PEX2: variants seen among roughly 807,000 people sequenced by gnomAD.
PEX2 encodes peroxisomal biogenesis factor 2, also known as peroxisome biogenesis factor 2.
In PEX2, 19 loss-of-function variants were observed where a neutral mutation model predicts 25.2. The ratio of observed to expected loss-of-function variants is 0.75; its 90% CI spans 0.53 to 1.10. The LOEUF (loss-of-function observed/expected upper bound fraction) is 1.10, where lower values mean the gene tolerates loss of function less well. Ranked by LOEUF, PEX2 falls within the 50% of genes least tolerant of loss-of-function variation. PEX2 has a pLI of 0.00. For synonymous variants in PEX2, 141 were observed against 127.7 expected (o/e 1.10, Z -0.70); for missense variants, 347 against 350.6 (o/e 0.99, Z 0.08).
At chr8:76,988,613 GGC>G (rs1807071512) in intron 1 of PEX2, among the ~76,000 whole-genome samples, 1 of 152,168 alleles carries the variant, frequency 6.6e-6, no homozygotes, top group Admixed American at 6.6e-5. Context: ...GACTGCTGAA[GGC>G]TGGGGTGGTT....
upstream of PEX2, chr8:77,000,110 A>C (rs1044762392): frequency 5.3e-6 from 2 of 374,364 alleles, no homozygotes; most frequent in African/African-American, 4.3e-5. Flanking sequence ...AGGCTTCCGG[A>C]GCGACGCAGG....
chr8:76,991,137 G>A (rs945292820), intron 1 of PEX2, among the ~76,000 whole-genome samples: 2 of 152,142 alleles, frequency 1.3e-5, no homozygotes, highest in Non-Finnish European at 2.9e-5. Flanking sequence ...AGGTTCCTTA[G>A]TGATATTTAG....
intron 1 of PEX2, among the ~76,000 whole-genome samples, chr8:76,990,123 T>G (rs1324115598): frequency 1.3e-5 from 2 of 152,254 alleles, no homozygotes; most frequent in African/African-American, 4.8e-5. Flanking sequence ...GTTTATATCA[T>G]AAATGGTTAT....
intron 2 of PEX2, chr8:76,987,773 T>C (rs1210199308): frequency 1.3e-5 from 2 of 152,064 alleles, no homozygotes; most frequent in Admixed American, 6.6e-5. Context: ...TGGAGAGAAA[T>C]AAGCCAAGAA....
At position 76,983,536 on chromosome 8, in the gene PEX2, T is replaced by C; in HGVS notation, c.643A>G (p.Lys215Glu). ...CATGAAGACAGCTTGGCTTTCAACT[T>C]CTGGACATTGATAAGTGGTAAGAGA... Reference protein sequence around the residue: ...IFLLPLINVQKLKAKLSSWCI... With the variant: ...IFLLPLINVQELKAKLSSWCI... The change falls in exon 4 of 4, where the codon AAG becomes GAG. Residue 215 changes from lysine to glutamate, a missense_variant. Physicochemically the swap from Lys to Glu is moderately conservative, Grantham distance 56. Coordinates refer to ENST00000357039, the MANE Select transcript of PEX2 (RefSeq NM_000318.3). 6.2e-7 allele frequency: 1 copy of C among 1,614,076 alleles called. No individual in the cohort carries two copies. Among genetic ancestry groups the C allele is most frequent in the Non-Finnish European group, 8.5e-7 (1 of 1,180,036 alleles).
intron 1 of PEX2, 184 bp downstream of exon 1, chr8:76,999,806 G>C (rs551586998): frequency 1.1e-4 from 49 of 456,318 alleles, no homozygotes; most frequent in Non-Finnish European, 2.0e-4. Context: ...AGGAGTTTAG[G>C]TTTGCTTCAC....
chr8:76,997,691 C>T (rs1483260190), intron 1 of PEX2, among the ~76,000 whole-genome samples: 5 of 152,302 alleles, frequency 3.3e-5, no homozygotes, highest in Admixed American at 2.0e-4. Context: ...ATCTTATTGA[C>T]AGGCAGTAAT....
chr8:76,998,086 A>T (rs1316264074), intron 1 of PEX2, among the ~76,000 whole-genome samples: 1 of 152,216 alleles, frequency 6.6e-6, no homozygotes, highest in Non-Finnish European at 1.5e-5. Context: ...GGAAAAAATG[A>T]AATAATTCAA....
At chr8:76,999,947 A>T in intron 1 of PEX2, 43 bp downstream of exon 1, 1 of 456,662 alleles carries the variant, frequency 2.2e-6, no homozygotes. Flanking sequence ...GCTGAAAACA[A>T]GACCTCGGGT....
chr8:76,989,801 G>C (rs1191207146), intron 1 of PEX2, among the ~76,000 whole-genome samples: 2 of 152,150 alleles, frequency 1.3e-5, no homozygotes, highest in African/African-American at 4.8e-5. Context: ...AGTACAGGCA[G>C]AGTAGTTCTA....
chr8:76,985,172 T>G (rs1387882495), intron 3 of PEX2, among the ~76,000 whole-genome samples: 1 of 24,856 alleles, frequency 4.0e-5, no homozygotes, highest in Non-Finnish European at 8.9e-5. Context: ...AATCCACCCA[T>G]GACAAAAAAA....
chr8:76,981,527 G>A lies in PEX2; in HGVS notation c.*1734C>T, dbSNP rs531996863. On this transcript the variant is annotated 3_prime_UTR_variant, in exon 4 of 4. Transcript: ENST00000357039. Reference sequence around the variant, plus strand: ...TATATATTTTTATTTTTTTAGAAACGAACTCAAACTCCTGGGCTCAGCCTC... The same window carrying A: ...TATATATTTTTATTTTTTTAGAAACAAACTCAAACTCCTGGGCTCAGCCTC... 21 of 152,120 alleles carry A rather than the reference G, an allele frequency of 1.4e-4. No homozygotes were observed. Among genetic ancestry groups the A allele is most frequent in the African/African-American group, 4.3e-4 (18 of 41,504 alleles). 9.4% of individuals were successfully genotyped at this position (152,120 alleles called of 1,614,324 possible).
Position 76,983,527 on chromosome 8 carries a change from C to T in PEX2, c.652G>A (p.Ala218Thr). ...GGAATACACCATGAAGACAGCTTGG[C>T]TTTCAACTTCTGGACATTGATAAGT... ...LPLINVQKLK[A>T]KLSSWCIPLT... Residue 218 changes from alanine (A) to threonine (T), a missense_variant, in exon 4 of 4, where the codon GCC becomes ACC. Transcript: ENST00000357039. The T allele has an allele frequency of 6.2e-7, 1 of 1,614,052 alleles. No individual in the cohort carries two copies. Among genetic ancestry groups the T allele is most frequent in the South Asian group, 1.1e-5 (1 of 91,080 alleles).
chr8:76,983,064 A>AAT lies in PEX2; in HGVS notation c.*195_*196dup. On this transcript the variant is annotated 3_prime_UTR_variant, in exon 4 of 4. Transcript: ENST00000357039. The stretch of plus-strand genomic sequence containing the variant: ...TTGAATGCAATGATTTAAAAAACAT[A>AAT]ATACATTAACATTTACATAATATAT... 7.3e-7 allele frequency: 1 copy of AAT among 1,374,042 alleles called. No homozygotes were observed. The highest frequency in any genetic ancestry group is 2.6e-5 in the East Asian group (1 of 39,202). 85.1% of individuals were successfully genotyped at this position (1,374,042 alleles called of 1,614,324 possible).
At position 76,983,723 on chromosome 8, in the gene PEX2, A is replaced by C. The variant is rs1475014070; in HGVS notation, c.456T>G (p.Ile152Met). 5.0e-6 allele frequency: 8 copies of C among 1,614,094 alleles called. No homozygotes were observed. The highest frequency in any genetic ancestry group is 3.3e-4 in the Middle Eastern group (2 of 6,062). ...CCCTCTGAAGGAAAATCAAAAAATT[A>C]ATCAGCCCACCTAATTTCAAAAGTC... ...VIGLLKLGGL[I>M]NFLIFLQRGK... is the part of the protein sequence containing the mutation. Residue 152 changes from isoleucine (I) to methionine (M), a missense_variant, in exon 4 of 4, where the codon ATT (isoleucine) becomes ATG (methionine). Physicochemically the swap from Ile to Met is conservative, Grantham distance 10. Coordinates refer to ENST00000357039, the MANE Select transcript of PEX2 (RefSeq NM_000318.3).
Position 76,982,280 on chromosome 8 carries a change from C to T in PEX2, c.*981G>A, listed in dbSNP as rs1364709644. 6.6e-6 allele frequency: 1 copy of T among 151,964 alleles called. No homozygotes were observed. The highest frequency in any genetic ancestry group is 1.5e-5 in the Non-Finnish European group (1 of 67,990). The allele number at this position is 151,964 out of a possible 1,614,324, so 9.4% of individuals were successfully genotyped here. A position where few individuals can be genotyped will look rare whatever the true frequency, so the allele number is the denominator to read the frequency against. ...CTGTTACTATTCCCATGCTAAAGAC[C>T]CCTTTTGTTTCAATAAAACTATCAA... On this transcript the variant is annotated 3_prime_UTR_variant, in exon 4 of 4. Coordinates refer to ENST00000357039, the MANE Select transcript of PEX2 (RefSeq NM_000318.3).
chr8:76,981,163 T>C lies in PEX2; in HGVS notation c.*2098A>G, dbSNP rs949411740. ...ATAGGAATAGGAATATGATGGCATATACATAGCATTTTAAAAATATATTAT... is the reference window on the plus strand; with the variant it reads ...ATAGGAATAGGAATATGATGGCATACACATAGCATTTTAAAAATATATTAT... On this transcript the variant is annotated 3_prime_UTR_variant, in exon 4 of 4. Transcript: ENST00000357039. The C allele has an allele frequency of 6.6e-6, 1 of 152,256 alleles. No homozygotes were observed. Among genetic ancestry groups the C allele is most frequent in the Non-Finnish European group, 1.5e-5 (1 of 68,058 alleles). The allele number at this position is 152,256 out of a possible 1,614,324, so 9.4% of individuals were successfully genotyped here. A position where few individuals can be genotyped will look rare whatever the true frequency, so the allele number is the denominator to read the frequency against.
chr8:76,996,529 G>T (rs1279658560), intron 1 of PEX2, among the ~76,000 whole-genome samples: 1 of 152,220 alleles, frequency 6.6e-6, no homozygotes, highest in Admixed American at 6.5e-5. Flanking sequence ...AAACACTAGT[G>T]CGAGTATGAA....
chr8:76,996,222 A>G (rs534512819), intron 1 of PEX2, among the ~76,000 whole-genome samples: 48 of 152,344 alleles, frequency 3.2e-4, no homozygotes, highest in South Asian at 8.3e-4. Flanking sequence ...ACTATAGCTA[A>G]TTACCAAGTA....
Sources: gnomAD v4.1 joint callset for allele counts (sites outside exome capture counted in the v4.1 genomes callset) on GRCh38, gnomAD v4.1.1 for gene constraint, MANE v1.5 for transcripts, NCBI Gene and HGNC (gene_info 2026-07-23, HGNC 2026-07-21) for gene names.